DYSF: variants seen among roughly 807,000 people sequenced by gnomAD.
DYSF encodes dysferlin.
A neutral mutation model predicts 274.9 loss-of-function variants in DYSF; 212 were observed. That is an observed-to-expected ratio of 0.77 (90% CI 0.69 to 0.86). The LOEUF is 0.86. Ranked by LOEUF, DYSF falls within the 40% of genes least tolerant of loss-of-function variation. DYSF has a pLI of 0.00. For missense variants in DYSF, 2,666 were observed against 2,783.2 expected (o/e 0.96, Z 0.95); for synonymous variants, 1,091 against 1,078.7 (o/e 1.01, Z -0.22).
chr2:71,668,670 C>T (rs527688187), intron 48 of DYSF, 84 bp from the exon 49 acceptor site: 1 of 1,329,318 alleles, frequency 7.5e-7, no homozygotes, highest in South Asian at 1.2e-5. Flanking sequence ...TGTTCTGTGC[C>T]CTCAGCATCT....
intron 4 of DYSF, among the ~76,000 whole-genome samples, chr2:71,508,877 G>A (rs2085777154): frequency 6.6e-6 from 1 of 152,134 alleles, no homozygotes; most frequent in South Asian, 2.1e-4. Context: ...TTTTGAGACG[G>A]TATGTCACTC....
chr2:71,607,907 T>C (rs778195596), intron 36 of DYSF, among the ~76,000 whole-genome samples: 12 of 152,004 alleles, frequency 7.9e-5, no homozygotes, highest in Non-Finnish European at 1.5e-5. Flanking sequence ...AGCAGAGATG[T>C]TTGGGAGCAG....
chr2:71,568,733 A>T, intron 26 of DYSF, among the ~76,000 whole-genome samples: 1 of 151,210 alleles, frequency 6.6e-6, no homozygotes, highest in South Asian at 2.1e-4. Flanking sequence ...GCTAATTTTT[A>T]AATTTTTTGT....
intron 41 of DYSF, among the ~76,000 whole-genome samples, chr2:71,638,046 C>A (rs548932893): frequency 6.6e-6 from 1 of 151,586 alleles, no homozygotes; most frequent in Admixed American, 6.6e-5. Flanking sequence ...GGAATTGCAG[C>A]CAAGAGGGGA....
chr2:71,474,130 T>A (rs918310245), intron 1 of DYSF, among the ~76,000 whole-genome samples: 34 of 152,116 alleles, frequency 2.2e-4, no homozygotes, highest in African/African-American at 8.2e-4. Context: ...TTCTCCATGT[T>A]GGTCAGGCTG....
chr2:71,652,097 C>G (rs897892186), intron 42 of DYSF, among the ~76,000 whole-genome samples: 13 of 152,114 alleles, frequency 8.5e-5, no homozygotes, highest in African/African-American at 2.9e-4. Flanking sequence ...AAGAATGTTC[C>G]TAAGTGCATT....
At chr2:71,476,303 G>C (rs1208700428) in intron 1 of DYSF, among the ~76,000 whole-genome samples, 2 of 152,140 alleles carry the variant, frequency 1.3e-5, no homozygotes, top group Non-Finnish European at 2.9e-5. Flanking sequence ...TGTAATCCCA[G>C]CATTTTGGAA....
chr2:71,616,049 C>G (rs567822195), intron 40 of DYSF, among the ~76,000 whole-genome samples: 1 of 152,330 alleles, frequency 6.6e-6, no homozygotes, highest in Admixed American at 6.5e-5. Context: ...CCAAAGCCTT[C>G]TTACCAGCAT....
At chr2:71,670,867 C>A (rs1349104306) in intron 51 of DYSF, among the ~76,000 whole-genome samples, 1 of 152,134 alleles carries the variant, frequency 6.6e-6, no homozygotes, top group Non-Finnish European at 1.5e-5. Context: ...CCTTGTCCCA[C>A]CCGGCATTAA....
At chr2:71,685,810 A>G (rs1176274887) in intron 55 of DYSF, among the ~76,000 whole-genome samples, 7 of 151,964 alleles carry the variant, frequency 4.6e-5, no homozygotes, top group African/African-American at 1.5e-4. Flanking sequence ...CCCAATTAGG[A>G]GCCCTGTATT....
intron 1 of DYSF, among the ~76,000 whole-genome samples, chr2:71,457,789 G>A (rs1363278774): frequency 6.6e-6 from 1 of 152,172 alleles, no homozygotes. Flanking sequence ...GACTATGGTG[G>A]CTGCCTAGGG....
In DYSF at chr2:71,561,885, C is replaced by T. The variant is rs1466276981; in HGVS notation, c.2350C>T (p.Pro784Ser). The change falls in exon 23 of 56, where the codon CCT becomes TCT. Residue 784 changes from proline to serine, a missense_variant. Around this residue, in one of 3 missense-constraint regions of DYSF, gnomAD observed 412 missense variants for 504.0 expected, o/e 0.82. Transcript: ENST00000410020. ...LALKLGHSEL[P>S]AALEQAEDWL... ...CCTGAAGCTCGGCCACAGTGAGCTC[C>T]CTGCAGCTCTGGAGCAGGCGGAGGA... The T allele has an allele frequency of 1.2e-6, 2 of 1,614,136 alleles. No individual in the cohort carries two copies. The highest frequency in any genetic ancestry group is 1.7e-6 in the Non-Finnish European group (2 of 1,180,014).
intron 45 of DYSF, among the ~76,000 whole-genome samples, chr2:71,661,276 C>T (rs1008838437): frequency 6.6e-6 from 1 of 151,718 alleles, no homozygotes; most frequent in Non-Finnish European, 1.5e-5. Context: ...TTTCCACTTA[C>T]TCAATTTCCC....
chr2:71,633,112 C>T (rs558917486), intron 41 of DYSF, among the ~76,000 whole-genome samples: 3 of 152,298 alleles, frequency 2.0e-5, no homozygotes, highest in East Asian at 3.9e-4. Flanking sequence ...CAGTGTTCCA[C>T]TTGTAGAAAT....
Position 71,598,207 on chromosome 2 carries a change from A to G in DYSF, c.3575-357A>G, listed in dbSNP as rs567921428. On this transcript the variant is annotated intron_variant, in intron 32 of 55. Transcript: ENST00000410020. ...CTGGCATAAAGAAGGCACTCAATACATGCTTGCTGGATGAATGAATGAATA... is the reference window on the plus strand; with the variant it reads ...CTGGCATAAAGAAGGCACTCAATACGTGCTTGCTGGATGAATGAATGAATA... Among the ~76,000 whole-genome samples, 11 of 152,362 alleles carry G rather than the reference A, an allele frequency of 7.2e-5. No individual in the cohort carries two copies. The Middle Eastern group carries it at 0.01, about 141-fold the overall frequency.
chr2:71,660,534 C>T, intron 44 of DYSF, 26 bp from the exon 45 acceptor site: 1 of 1,598,696 alleles, frequency 6.3e-7, no homozygotes, highest in Non-Finnish European at 8.6e-7. Flanking sequence ...AGTGTTTTCA[C>T]AGAAGTGTTT....
At chr2:71,550,838 G>C (rs2090890158) in intron 17 of DYSF, among the ~76,000 whole-genome samples, 3 of 152,208 alleles carry the variant, frequency 2.0e-5, no homozygotes, top group Admixed American at 6.5e-5. Flanking sequence ...ATCTCAGCAT[G>C]ATGGTGAGGA....
chr2:71,480,121 T>C (rs2082764127), intron 1 of DYSF, among the ~76,000 whole-genome samples: 1 of 152,230 alleles, frequency 6.6e-6, no homozygotes, highest in South Asian at 2.1e-4. Context: ...ACTAATCTGC[T>C]TTCTGTCTCT....
intron 1 of DYSF, among the ~76,000 whole-genome samples, chr2:71,459,386 C>A (rs551433341): frequency 6.6e-6 from 1 of 152,266 alleles, no homozygotes; most frequent in Non-Finnish European, 1.5e-5. Context: ...GGTAGGGCCA[C>A]AAATAAGTAG....
Sources: gnomAD v4.1 joint callset for allele counts (sites outside exome capture counted in the v4.1 genomes callset) on GRCh38, gnomAD v4.1.1 for gene constraint, gnomAD v4.1.1 regional missense constraint, MANE v1.5 for transcripts, NCBI Gene and HGNC (gene_info 2026-07-23, HGNC 2026-07-21) for gene names.